Variants in CFAP221 observed in about 807,000 individuals in gnomAD.
CFAP221 encodes cilia- and flagella-associated protein 221.
A neutral mutation model predicts 113.1 loss-of-function variants in CFAP221; 97 were observed. The ratio of observed to expected loss-of-function variants is 0.86; its 90% CI spans 0.73 to 1.02. The LOEUF (loss-of-function observed/expected upper bound fraction) is 1.02, where lower values mean the gene tolerates loss of function less well. CFAP221 is among the 50% of genes least tolerant of loss of function. The pLI, the probability that CFAP221 is intolerant of heterozygous loss-of-function variation, is 0.00. For synonymous variants in CFAP221, 331 were observed against 354.4 expected (o/e 0.93, Z 0.74); for missense variants, 1,025 against 1,013.4 (o/e 1.01, Z -0.16).
chr2:119,644,123 C>T (rs919812928), intron 21 of CFAP221, among the ~76,000 whole-genome samples: 10 of 151,860 alleles, frequency 6.6e-5, no homozygotes, highest in African/African-American at 2.2e-4. Flanking sequence ...ACTGCACTCC[C>T]GCCTGGGCAG....
At chr2:119,590,433 C>T (rs1467952767) in intron 7 of CFAP221, among the ~76,000 whole-genome samples, 5 of 152,152 alleles carry the variant, frequency 3.3e-5, no homozygotes, top group Non-Finnish European at 4.4e-5. Flanking sequence ...TCCCCATCCT[C>T]CAGCATGAGC....
chr2:119,567,303 A>C (rs150401009), intron 6 of CFAP221, among the ~76,000 whole-genome samples: 3 of 152,318 alleles, frequency 2.0e-5, no homozygotes, highest in Non-Finnish European at 4.4e-5. Flanking sequence ...AACCACTGGC[A>C]ACCACTGTTT....
chr2:119,584,324 T>C (rs1683050960), intron 6 of CFAP221, among the ~76,000 whole-genome samples: 1 of 152,192 alleles, frequency 6.6e-6, no homozygotes, highest in South Asian at 2.1e-4. Context: ...TGATGTCTCA[T>C]GCATGTAATC....
intron 3 of CFAP221, among the ~76,000 whole-genome samples, chr2:119,553,309 C>T (rs563295120): frequency 4.7e-4 from 72 of 152,172 alleles, no homozygotes; most frequent in African/African-American, 1.5e-3. Context: ...AGCCAACAAA[C>T]GGCGTATTTG....
chr2:119,628,294 G>GTGTGT (rs371675389), intron 16 of CFAP221, among the ~76,000 whole-genome samples: 24,347 of 137,374 alleles, frequency 0.18, 2,729 homozygotes, highest in Non-Finnish European at 0.22. Context: ...CTCTCTGGGG[G>GTGTGT]GTGTGTGTGT....
chr2:119,623,939 C>T lies in CFAP221; in HGVS notation c.1411-1644C>T, dbSNP rs191856471. 1.7e-3 allele frequency among the ~76,000 whole-genome samples: 258 copies of T among 152,226 alleles called. 1 individual carries two copies. The highest frequency in any genetic ancestry group is 5.7e-3 in the African/African-American group (236 of 41,530). On this transcript the variant is annotated intron_variant, in intron 14 of 23. Coordinates refer to ENST00000413369, the MANE Select transcript of CFAP221 (RefSeq NM_001271049.2). ...CCCTGGAAGAAAACCTAGGCAATAC[C>T]ATTCAGGACCTAGGCACAGGCAAAG...
intron 6 of CFAP221, among the ~76,000 whole-genome samples, chr2:119,571,623 T>A (rs1043222355): frequency 6.6e-6 from 1 of 152,018 alleles, no homozygotes; most frequent in Non-Finnish European, 1.5e-5. Context: ...CCTAGCTAAC[T>A]TTTTTGTATT....
In CFAP221 at chr2:119,652,088, G is replaced by T. The variant is rs779436758; in HGVS notation, c.2414+19G>T. On this transcript the variant is annotated intron_variant, in intron 23 of 23. Transcript: ENST00000413369. ...AGGAGAAGTAAGTGGATGCTTTTAT[G>T]CCTTATTAAAAGGTAATCTTGGATG... The T allele has an allele frequency of 1.3e-6, 2 of 1,574,356 alleles. No individual in the cohort carries two copies. Among genetic ancestry groups the T allele is most frequent in the Non-Finnish European group, 1.7e-6 (2 of 1,145,876 alleles).
chr2:119,597,019 G>A (rs543319190), intron 7 of CFAP221, among the ~76,000 whole-genome samples: 6 of 152,140 alleles, frequency 3.9e-5, no homozygotes, highest in East Asian at 1.9e-4. Context: ...GAACTCAAGC[G>A]GGTCAAGTGT....
intron 12 of CFAP221, 36 bp downstream of exon 12, chr2:119,608,625 G>T (rs371925073): frequency 1.3e-6 from 2 of 1,551,578 alleles, no homozygotes; most frequent in Middle Eastern, 1.7e-4. Context: ...CATTTGTTTC[G>T]CTAGATGTTT....
At chr2:119,567,111 A>G (rs1432883274) in intron 6 of CFAP221, among the ~76,000 whole-genome samples, 2 of 152,176 alleles carry the variant, frequency 1.3e-5, no homozygotes, top group Non-Finnish European at 2.9e-5. Context: ...GTTACAATCA[A>G]TGAACCTACA....
chr2:119,586,241 A>G (rs1683212832), intron 6 of CFAP221, among the ~76,000 whole-genome samples: 1 of 152,110 alleles, frequency 6.6e-6, no homozygotes, highest in African/African-American at 2.4e-5. Context: ...CTTGAAAGGA[A>G]GCACTTGACT....
chr2:119,609,632 ACTT>A (rs1685016160), intron 12 of CFAP221, among the ~76,000 whole-genome samples: 1 of 152,126 alleles, frequency 6.6e-6, no homozygotes, highest in Non-Finnish European at 1.5e-5. Context: ...TAACTTGGTC[ACTT>A]CTTTAAAGAC....
At chr2:119,590,690 C>T (rs1683538887) in intron 7 of CFAP221, among the ~76,000 whole-genome samples, 1 of 152,236 alleles carries the variant, frequency 6.6e-6, no homozygotes, top group Non-Finnish European at 1.5e-5. Context: ...CCCCTTGGCC[C>T]CTGGCTGAGG....
intron 22 of CFAP221, among the ~76,000 whole-genome samples, chr2:119,650,824 T>C (rs939775): frequency 0.79 from 120,645 of 152,210 alleles, 48,107 homozygotes; most frequent in East Asian, 0.87. Flanking sequence ...AGAACAACTT[T>C]TGCAGATTTC....
intron 22 of CFAP221, 40 bp from the exon 23 acceptor site, chr2:119,651,934 A>G: frequency 6.9e-7 from 1 of 1,440,398 alleles, no homozygotes. Flanking sequence ...TACACTGGGA[A>G]GGAAAAGCAG....
In CFAP221 at chr2:119,638,253, C is replaced by T. The variant is rs767653441; in HGVS notation, c.1975-6C>T. Reference sequence around the variant, plus strand: ...GAAAAGAATATTTTTTCCCTGTCTTCGGCAGAATCCCAACCCAGGATTATT... The same window carrying T: ...GAAAAGAATATTTTTTCCCTGTCTTTGGCAGAATCCCAACCCAGGATTATT... On this transcript the variant is annotated splice_polypyrimidine_tract_variant and splice_region_variant and intron_variant, in intron 19 of 23. Transcript: ENST00000413369. The T allele has an allele frequency of 6.8e-6, 11 of 1,613,698 alleles. No homozygotes were observed. The highest frequency in any genetic ancestry group is 1.3e-5 in the African/African-American group (1 of 74,916).
At chr2:119,628,462 T>TGG (rs1383489310) in intron 16 of CFAP221, among the ~76,000 whole-genome samples, 1 of 152,204 alleles carries the variant, frequency 6.6e-6, no homozygotes, top group Non-Finnish European at 1.5e-5. Flanking sequence ...GGCAGTGTCT[T>TGG]AAGTCCTTCC....
intron 6 of CFAP221, among the ~76,000 whole-genome samples, chr2:119,577,157 C>G (rs1682505523): frequency 6.6e-6 from 1 of 152,136 alleles, no homozygotes; most frequent in Non-Finnish European, 1.5e-5. Context: ...CTGGTGGGGG[C>G]CCTCTACCAG....
Sources: gnomAD v4.1 joint callset for allele counts (sites outside exome capture counted in the v4.1 genomes callset) on GRCh38, gnomAD v4.1.1 for gene constraint, MANE v1.5 for transcripts, NCBI Gene and HGNC (gene_info 2026-07-23, HGNC 2026-07-21) for gene names.